SLCO6A1: variants seen among roughly 807,000 people sequenced by gnomAD.
SLCO6A1 encodes solute carrier organic anion transporter family member 6A1.
Under a neutral mutation model 72.7 loss-of-function variants are expected in SLCO6A1, and 65 were observed. That is an observed-to-expected ratio of 0.89 (90% CI 0.73 to 1.10). The LOEUF is 1.10. SLCO6A1 is among the 50% of genes least tolerant of loss of function. The probability of loss-of-function intolerance (pLI) is 0.00; values close to 1 mark genes in which losing one functional copy is unlikely to be tolerated. For missense variants in SLCO6A1, 874 were observed against 872.6 expected (o/e 1.00, Z -0.02); for synonymous variants, 314 against 298.2 (o/e 1.05, Z -0.55).
chr5:102,460,643 A>C (rs1750977282), intron 4 of SLCO6A1, among the ~76,000 whole-genome samples: 1 of 151,956 alleles, frequency 6.6e-6, no homozygotes, highest in African/African-American at 2.4e-5. Context: ...ACCCCCTCCA[A>C]ACAGTCATTG....
At chr5:102,404,749 G>A (rs1381397290) in intron 9 of SLCO6A1, among the ~76,000 whole-genome samples, 1 of 151,948 alleles carries the variant, frequency 6.6e-6, no homozygotes, top group East Asian at 1.9e-4. Context: ...GACTAATAGA[G>A]GCATAAAATA....
chr5:102,489,353 G>A (rs1385195820), intron 1 of SLCO6A1, among the ~76,000 whole-genome samples: 1 of 152,062 alleles, frequency 6.6e-6, no homozygotes, highest in African/African-American at 2.4e-5. Context: ...GGGATTTCCA[G>A]AAATTTAAAT....
At chr5:102,488,934 A>AATTGAGAGACAGAAG (rs2112854473) in intron 1 of SLCO6A1, among the ~76,000 whole-genome samples, 1 of 152,320 alleles carries the variant, frequency 6.6e-6, no homozygotes, top group Non-Finnish European at 1.5e-5. Context: ...ATATTGGGAG[A>AATTGAGAGACAGAAG]ATTGAGAGAC....
chr5:102,477,334 G>T (rs1751953084), intron 3 of SLCO6A1, among the ~76,000 whole-genome samples: 1 of 151,976 alleles, frequency 6.6e-6, no homozygotes, highest in African/African-American at 2.4e-5. Flanking sequence ...ATGTTGGCCA[G>T]GCTGGTTTTG....
intron 12 of SLCO6A1, among the ~76,000 whole-genome samples, chr5:102,386,701 A>G (rs749802123): frequency 2.0e-5 from 3 of 152,126 alleles, no homozygotes; most frequent in Non-Finnish European, 4.4e-5. Flanking sequence ...TTGGGGGCAT[A>G]GTCTGTGGGT....
rs115015781 is a variant in SLCO6A1, at chr5:102,442,566, G to A, written c.1132-3805C>T. Among the ~76,000 whole-genome samples the A allele has an allele frequency of 8.3e-3, 1,259 of 152,260 alleles. 12 individuals carry two copies. Among genetic ancestry groups the A allele is most frequent in the Non-Finnish European group, 0.015 (1,009 of 68,014 alleles). ...AGATTTGTTGTTTGCAAACTTTAGC[G>A]TGCCTTGAATTATCTACATGGTATA... On this transcript the variant is annotated intron_variant, in intron 6 of 13. Transcript: ENST00000506729.
chr5:102,463,895 A>G (rs1297936336), intron 4 of SLCO6A1, among the ~76,000 whole-genome samples: 1 of 87,654 alleles, frequency 1.1e-5, no homozygotes, highest in Non-Finnish European at 2.7e-5. Context: ...TCAAAAAAGA[A>G]GAAAAAAAAA....
chr5:102,488,741 C>T (rs1030333300), intron 1 of SLCO6A1, among the ~76,000 whole-genome samples: 1 of 152,174 alleles, frequency 6.6e-6, no homozygotes, highest in African/African-American at 2.4e-5. Context: ...TCCATATTTG[C>T]ACTGGCAACA....
chr5:102,459,874 G>T, intron 4 of SLCO6A1, 97 bp from the exon 5 acceptor site: 3 of 1,071,302 alleles, frequency 2.8e-6, no homozygotes, highest in South Asian at 2.1e-5. Flanking sequence ...AGTGAGAGAG[G>T]GAGGGTTGGA....
Position 102,419,958 on chromosome 5 carries a change from A to C in SLCO6A1, c.1340T>G (p.Leu447Ter). 6.2e-7 allele frequency: 1 copy of C among 1,605,862 alleles called. No homozygotes were observed. Among genetic ancestry groups the C allele is most frequent in the Non-Finnish European group, 8.5e-7 (1 of 1,177,652 alleles). Residue 447 changes from leucine to a stop codon, truncating the protein, a stop_gained, in exon 8 of 14, where the codon TTA becomes TGA. Transcript: ENST00000506729. LOFTEE classifies it high-confidence loss of function. ...QLLGGVIVSTLEMSCKALMRF... is the reference protein window; with the variant it reads ...QLLGGVIVST ...CATAAGGGCTTTACAAGACATTTCT[A>C]ATGTGGAAACAATGACACCTCCCAG... is the stretch of plus-strand genomic sequence containing the variant.
chr5:102,445,613 A>C (rs146880510), intron 6 of SLCO6A1, among the ~76,000 whole-genome samples: 2 of 151,998 alleles, frequency 1.3e-5, no homozygotes, highest in Non-Finnish European at 2.9e-5. Flanking sequence ...TTTTGTCATG[A>C]TTGTTTTCAG....
At chr5:102,492,761 T>G (rs1349530044) in intron 1 of SLCO6A1, among the ~76,000 whole-genome samples, 1 of 152,032 alleles carries the variant, frequency 6.6e-6, no homozygotes, top group Non-Finnish European at 1.5e-5. Context: ...GCTCAGAGGG[T>G]CCCATGCCCA....
At chr5:102,472,142 C>T (rs938462355) in intron 4 of SLCO6A1, among the ~76,000 whole-genome samples, 1 of 152,028 alleles carries the variant, frequency 6.6e-6, no homozygotes, top group Admixed American at 6.6e-5. Context: ...GGTCAGCCTC[C>T]CTGAGCAGAG....
intron 8 of SLCO6A1, among the ~76,000 whole-genome samples, chr5:102,418,952 T>A (rs1156470083): frequency 6.6e-6 from 1 of 152,130 alleles, no homozygotes; most frequent in African/African-American, 2.4e-5. Context: ...TCTGATACCA[T>A]GGCCTTTCTA....
At chr5:102,414,286 A>T (rs570482467) in intron 8 of SLCO6A1, among the ~76,000 whole-genome samples, 1 of 152,320 alleles carries the variant, frequency 6.6e-6, no homozygotes, top group African/African-American at 2.4e-5. Flanking sequence ...TTGCATATAG[A>T]TATCTATCCA....
chr5:102,379,197 T>C (rs1212097461), intron 12 of SLCO6A1, among the ~76,000 whole-genome samples: 1 of 152,192 alleles, frequency 6.6e-6, no homozygotes, highest in Admixed American at 6.5e-5. Flanking sequence ...GCTTTATTTA[T>C]TCTGATAATT....
intron 12 of SLCO6A1, among the ~76,000 whole-genome samples, chr5:102,379,590 A>G (rs1745996928): frequency 6.6e-6 from 1 of 151,976 alleles, no homozygotes; most frequent in African/African-American, 2.4e-5. Context: ...TGATTTTTCT[A>G]TTCTGTTCCA....
intron 7 of SLCO6A1, among the ~76,000 whole-genome samples, chr5:102,435,892 G>T (rs929482159): frequency 2.0e-5 from 3 of 150,006 alleles, no homozygotes; most frequent in Non-Finnish European, 4.4e-5. Context: ...AAAAAAAAAA[G>T]TTATCAGGAG....
intron 4 of SLCO6A1, among the ~76,000 whole-genome samples, chr5:102,460,883 C>CATTACCCACTTATCTCAT (rs1750990035): frequency 3.2e-5 from 2 of 62,658 alleles, no homozygotes; most frequent in Admixed American, 3.3e-4. Flanking sequence ...TCTTGATTGT[C>CATTACCCACTTATCTCAT]ATTACCCACT....
Sources: gnomAD v4.1 joint callset for allele counts (sites outside exome capture counted in the v4.1 genomes callset) on GRCh38, gnomAD v4.1.1 for gene constraint, MANE v1.5 for transcripts, NCBI Gene and HGNC (gene_info 2026-07-23, HGNC 2026-07-21) for gene names.